The following MPRIP variants were observed in gnomAD, a reference collection of about 807,000 sequenced individuals.
MPRIP encodes myosin phosphatase Rho-interacting protein.
In MPRIP, 59 loss-of-function variants were observed where a neutral mutation model predicts 234.9. The ratio of observed to expected loss-of-function variants is 0.25; its 90% CI spans 0.20 to 0.31. The LOEUF is 0.31. Among genes scored for constraint, MPRIP ranks in the 10% least tolerant of loss-of-function variants. MPRIP has a pLI of 1.00. For missense variants in MPRIP, 2,436 were observed against 3,071.0 expected, an observed-to-expected ratio of 0.79 and a Z score of 4.89; for synonymous variants, 1,144 against 1,263.9, an observed-to-expected ratio of 0.91 and a Z score of 2.01.
Position 17,158,552 on chromosome 17 carries a change from G to A in MPRIP, c.1950G>A (p.Arg650=). ...PDPEQKRSRA[R]ERRREGRSKT... The stretch of plus-strand genomic sequence containing the variant: ...CTGAGCAGAAGAGGAGCCGCGCACG[G>A]GAGCGGAGGCGAGAGGGCCGCTCCA... The change falls in exon 14 of 24, where the codon CGG becomes CGA. Residue 650 remains arginine (R), a synonymous_variant. Coordinates refer to ENST00000651222, the MANE Select transcript of MPRIP (RefSeq NM_001364716.4). 6.2e-7 allele frequency: 1 copy of A among 1,611,760 alleles called. No individual in the cohort carries two copies. Among genetic ancestry groups the A allele is most frequent in the Non-Finnish European group, 8.5e-7 (1 of 1,179,874 alleles).
At chr17:17,180,367 C>A (rs2046347296) in intron 23 of MPRIP, among the ~76,000 whole-genome samples, 1 of 152,250 alleles carries the variant, frequency 6.6e-6, no homozygotes, top group Admixed American at 6.5e-5. Context: ...TTCACCCAGC[C>A]CTGCTCATGT....
chr17:17,123,127 T>C (rs1315862140), intron 3 of MPRIP, among the ~76,000 whole-genome samples: 1 of 151,976 alleles, frequency 6.6e-6, no homozygotes, highest in Non-Finnish European at 1.5e-5. Flanking sequence ...GGAAGCCAGA[T>C]TTTTCCATTT....
intron 3 of MPRIP, among the ~76,000 whole-genome samples, chr17:17,122,428 A>T (rs1346013383): frequency 6.6e-6 from 1 of 152,178 alleles, no homozygotes; most frequent in Non-Finnish European, 1.5e-5. Context: ...ATCTCGGCTC[A>T]CTGCAAGCTC....
intron 1 of MPRIP, among the ~76,000 whole-genome samples, chr17:17,046,303 GTTGCTTATGGGTTTTGCTGTTAC>G (rs1469420938): frequency 6.6e-6 from 1 of 152,150 alleles, no homozygotes; most frequent in Non-Finnish European, 1.5e-5. Flanking sequence ...AGACATCAAG[GTTGCTTATGGGTTTTGCTGTTAC>G]ATACAGTGAA....
chr17:17,092,754 G>C (rs1043776936), intron 3 of MPRIP, among the ~76,000 whole-genome samples: 17 of 151,992 alleles, frequency 1.1e-4, no homozygotes, highest in Admixed American at 2.0e-4. Flanking sequence ...CTCTCTCTCT[G>C]TCTCCTACAG....
chr17:17,064,548 C>T (rs892548233), intron 1 of MPRIP, among the ~76,000 whole-genome samples: 1 of 152,204 alleles, frequency 6.6e-6, no homozygotes, highest in African/African-American at 2.4e-5. Flanking sequence ...CCATCGCCTT[C>T]TCCCTCCCAC....
intron 1 of MPRIP, among the ~76,000 whole-genome samples, chr17:17,056,970 G>A (rs1256292525): frequency 6.6e-6 from 1 of 152,238 alleles, no homozygotes; most frequent in Non-Finnish European, 1.5e-5. Context: ...TCCTTGTATG[G>A]ATGGTAGACA....
At chr17:17,148,436 G>C (rs184693646) in intron 11 of MPRIP, among the ~76,000 whole-genome samples, 1 of 152,316 alleles carries the variant, frequency 6.6e-6, no homozygotes, top group African/African-American at 2.4e-5. Flanking sequence ...ACTAGCACTT[G>C]GCACAGCCCC....
In MPRIP at chr17:17,103,691, A is replaced by G. The variant is rs533440300; in HGVS notation, c.268-23011A>G. Reference sequence around the variant, plus strand: ...AAGATCTCCCCCTTTTATCTGCTATATCAGGACATCAGGGGTGGGGGCTGA... The same window carrying G: ...AAGATCTCCCCCTTTTATCTGCTATGTCAGGACATCAGGGGTGGGGGCTGA... On this transcript the variant is annotated intron_variant, in intron 3 of 23. Coordinates refer to ENST00000651222, the MANE Select transcript of MPRIP (RefSeq NM_001364716.4). Among the ~76,000 whole-genome samples the G allele has an allele frequency of 7.2e-5, 11 of 152,284 alleles. No homozygotes were observed. In the South Asian group the frequency reaches 8.3e-4, roughly 11 times the overall value.
intron 1 of MPRIP, among the ~76,000 whole-genome samples, chr17:17,046,279 G>A (rs181410034): frequency 5.3e-5 from 8 of 152,196 alleles, no homozygotes; most frequent in East Asian, 3.9e-4. Flanking sequence ...AATTTAACCC[G>A]TTTCCTTATT....
In MPRIP at chr17:17,117,651, G is replaced by A. The variant is rs575866211; in HGVS notation, c.268-9051G>A. The stretch of plus-strand genomic sequence containing the variant: ...GGGCTGTTTCCACCTTTTGGCTATC[G>A]CGAATTATGCTGCTACGATATGATT... On this transcript the variant is annotated intron_variant, in intron 3 of 23. Coordinates refer to ENST00000651222, the MANE Select transcript of MPRIP (RefSeq NM_001364716.4). 2.0e-5 allele frequency among the ~76,000 whole-genome samples: 3 copies of A among 152,228 alleles called. No homozygotes were observed. The East Asian group carries it at 5.8e-4, about 29-fold the overall frequency.
In MPRIP at chr17:17,142,783, G is replaced by A. The variant is rs1356711361; in HGVS notation, c.1389+18G>A. ...GGAAGCGGGTGAGCTCCTGGGGCTGGGCAGCACCTCAGGGGTGGCTCGGGG... is the reference window on the plus strand; with the variant it reads ...GGAAGCGGGTGAGCTCCTGGGGCTGAGCAGCACCTCAGGGGTGGCTCGGGG... On this transcript the variant is annotated intron_variant, in intron 8 of 23. Coordinates refer to ENST00000651222, the MANE Select transcript of MPRIP (RefSeq NM_001364716.4). 1 of 1,610,826 alleles carries A rather than the reference G, an allele frequency of 6.2e-7. No homozygotes were observed. The highest frequency in any genetic ancestry group is 8.5e-7 in the Non-Finnish European group (1 of 1,178,934).
At position 17,043,303 on chromosome 17, in the gene MPRIP, T is replaced by G. The variant is rs75950933; in HGVS notation, c.123+332T>G. On this transcript the variant is annotated intron_variant, in intron 1 of 23. Transcript: ENST00000651222. ...ACGGGACCCCCCTGAGATTCTGGCT[T>G]GGGACTGGACTTGGATTTGTCCAGC... Among the ~76,000 whole-genome samples, 409 of 152,278 alleles carry G rather than the reference T, an allele frequency of 2.7e-3. 11 individuals are homozygous for G. In the East Asian group the frequency reaches 0.065, roughly 24 times the overall value.
At chr17:17,109,433 C>T (rs1027560247) in intron 3 of MPRIP, among the ~76,000 whole-genome samples, 8 of 152,142 alleles carry the variant, frequency 5.3e-5, no homozygotes, top group African/African-American at 9.7e-5. Context: ...AGTAAATGGA[C>T]GGCAGGTGGC....
At chr17:17,083,068 A>G (rs2144091364) in intron 3 of MPRIP, among the ~76,000 whole-genome samples, 1 of 152,356 alleles carries the variant, frequency 6.6e-6, no homozygotes, top group East Asian at 1.9e-4. Context: ...GCCGGCCTCC[A>G]TGGTGTGGAG....
chr17:17,123,724 A>AT (rs1491188927), intron 3 of MPRIP, among the ~76,000 whole-genome samples: 1 of 148,512 alleles, frequency 6.7e-6, no homozygotes, highest in African/African-American at 2.5e-5. Context: ...AAAAAAAAAA[A>AT]GAAAGAAAAA....
At chr17:17,139,842 C>T (rs1322746277) in intron 7 of MPRIP, among the ~76,000 whole-genome samples, 1 of 152,236 alleles carries the variant, frequency 6.6e-6, no homozygotes, top group African/African-American at 2.4e-5. Flanking sequence ...GTTCCCAGCC[C>T]CTGCCTAGTG....
In MPRIP at chr17:17,143,612, G is replaced by T. The variant is rs1202701892; in HGVS notation, c.1446G>T (p.Leu482=). The stretch of plus-strand genomic sequence containing the variant: ...TCCCAGACGCCTCGGCTTCCCCCCT[G>T]TCTCCACACCGAAGAGCCAAGTCAC... The part of the protein sequence containing the change: ...APLPDASASP[L]SPHRRAKSLD... The change falls in exon 9 of 24, where the codon CTG becomes CTT. Residue 482 remains leucine (L), a synonymous_variant. Coordinates refer to ENST00000651222, the MANE Select transcript of MPRIP (RefSeq NM_001364716.4). 6.2e-7 allele frequency: 1 copy of T among 1,605,998 alleles called. No homozygotes were observed. The highest frequency in any genetic ancestry group is 1.1e-5 in the South Asian group (1 of 89,090).
Position 17,126,680 on chromosome 17 carries a change from ACT to A in MPRIP, c.268-17_268-16del, listed in dbSNP as rs772322377. The A allele has an allele frequency of 8.8e-5, 140 of 1,599,400 alleles. No homozygotes were observed. Among genetic ancestry groups the A allele is most frequent in the Non-Finnish European group, 1.2e-4 (135 of 1,172,732 alleles). ...GGCCCCATTGGCTGGCCTCTGGGTGACTCTCTGCCGCCTTCTTCCAGCCCACG... is the reference window on the plus strand; with the variant it reads ...GGCCCCATTGGCTGGCCTCTGGGTGACTCTGCCGCCTTCTTCCAGCCCACG... On this transcript the variant is annotated intron_variant, in intron 3 of 23. Transcript: ENST00000651222.
Sources: gnomAD v4.1 joint callset for allele counts (sites outside exome capture counted in the v4.1 genomes callset) on GRCh38, gnomAD v4.1.1 for gene constraint, MANE v1.5 for transcripts, NCBI Gene and HGNC (gene_info 2026-07-23, HGNC 2026-07-21) for gene names.